The following KCNG4 variants were observed in gnomAD, a reference collection of about 807,000 sequenced individuals.
The protein encoded by KCNG4 is potassium voltage-gated channel modifier subfamily G member 4.
KCNG4 carries 30 observed loss-of-function variants against 28.2 expected under a neutral mutation model. The observed-to-expected ratio is 1.06, with a 90% CI of 0.80 to 1.44. The LOEUF is 1.44. Among genes scored for constraint, KCNG4 ranks in the 40% most tolerant of loss-of-function variants. The probability of loss-of-function intolerance (pLI) is 0.00; values close to 1 mark genes in which losing one functional copy is unlikely to be tolerated. For missense variants in KCNG4, 879 were observed against 712.3 expected, an observed-to-expected ratio of 1.23 and a Z score of -2.66; for synonymous variants, 375 against 315.5, an observed-to-expected ratio of 1.19 and a Z score of -2.00.
At position 84,226,547 on chromosome 16, in the gene KCNG4, C is replaced by G. The variant is rs517731; in HGVS notation, c.757-3527G>C. Among the ~76,000 whole-genome samples the G allele has an allele frequency of 1.3e-5, 2 of 151,672 alleles. No homozygotes were observed. The highest frequency in any genetic ancestry group is 2.9e-5 in the Non-Finnish European group (2 of 67,908). ...ATAGTAACAAATGATTATAAGTGAT[C>G]TGAGGTGGAGAGGGGATGGAAAGAG... On this transcript the variant is annotated intron_variant, in intron 2 of 2. Coordinates refer to ENST00000308251, the MANE Select transcript of KCNG4 (RefSeq NM_172347.3). This position sits in a 1 kb window ranked among gnomAD's most constrained non-coding sequence, Gnocchi z 4.1.
chr16:84,219,049 C>G lies in KCNG4; in HGVS notation c.*3168G>C, dbSNP rs921426592. Reference sequence around the variant, plus strand: ...TCCAGTGGCTGTTTAGGCTTTGTCTCTGGTTCCAGAATGAGCTTACCACTC... The same window carrying G: ...TCCAGTGGCTGTTTAGGCTTTGTCTGTGGTTCCAGAATGAGCTTACCACTC... On this transcript the variant is annotated 3_prime_UTR_variant, in exon 3 of 3. Transcript: ENST00000308251. 2 of 152,278 alleles carry G rather than the reference C, an allele frequency of 1.3e-5. No individual in the cohort carries two copies. Among genetic ancestry groups the G allele is most frequent in the African/African-American group, 4.8e-5 (2 of 41,464 alleles). The allele number at this position is 152,278 out of a possible 1,614,324, so 9.4% of individuals were successfully genotyped here.
In KCNG4 at chr16:84,222,372, C is replaced by T. The variant is rs748862640; in HGVS notation, c.1405G>A (p.Glu469Lys). 55 of 1,613,996 alleles carry T rather than the reference C, an allele frequency of 3.4e-5. No homozygotes were observed. The highest frequency in any genetic ancestry group is 1.0e-4 in the Admixed American group (6 of 60,000). ...HSYLELKKEQ[E>K]QLQARLRHLQ... ...TGGCGGAGGCGGGCCTGAAGCTGCTCCTGCTCCTTCTTGAGCTCCAGGTAG... is the reference window on the plus strand; with the variant it reads ...TGGCGGAGGCGGGCCTGAAGCTGCTTCTGCTCCTTCTTGAGCTCCAGGTAG... Residue 469 changes from glutamate to lysine, a missense_variant, in exon 3 of 3, where the codon GAG becomes AAG. By Grantham distance (56) the Glu-to-Lys change is moderately conservative. Transcript: ENST00000308251.
Position 84,237,285 on chromosome 16 carries a change from G to A in KCNG4, c.201C>T (p.Gly67=). 2 of 1,606,884 alleles carry A rather than the reference G, an allele frequency of 1.2e-6. No individual in the cohort carries two copies. Among genetic ancestry groups the A allele is most frequent in the Middle Eastern group, 1.7e-4 (1 of 6,016 alleles). ...LKKEILINVG[G]RRYLLPWSTL... The stretch of plus-strand genomic sequence containing the variant: ...TGCTCCAGGGGAGGAGATACCTCCT[G>A]CCCCCCACGTTGATCAGGATCTCCT... The change falls in exon 2 of 3, where the codon GGC becomes GGT. Residue 67 remains glycine (G), a synonymous_variant. Coordinates refer to ENST00000308251, the MANE Select transcript of KCNG4 (RefSeq NM_172347.3).
chr16:84,235,408 C>G (rs1467522847), intron 2 of KCNG4: 1 of 152,160 alleles, frequency 6.6e-6, no homozygotes, highest in Non-Finnish European at 1.5e-5. Flanking sequence ...TGTGAACAAG[C>G]AGGCTCTTAA....
In KCNG4 at chr16:84,222,228, T is replaced by C; in HGVS notation, c.1549A>G (p.Met517Val). The C allele has an allele frequency of 4.3e-6, 7 of 1,614,068 alleles. No homozygotes were observed. Among genetic ancestry groups the C allele is most frequent in the Non-Finnish European group, 5.9e-6 (7 of 1,180,006 alleles). ...TGGGGGGTGCTGAGTTACATGTGCATGATAGGCAAGGCTGGGCCCTCCAGG... is the reference window on the plus strand; with the variant it reads ...TGGGGGGTGCTGAGTTACATGTGCACGATAGGCAAGGCTGGGCCCTCCAGG... ...LILEGPALPI[M>V]HM is the part of the protein sequence containing the mutation. The change falls in exon 3 of 3, where the codon ATG becomes GTG. Residue 517 changes from methionine (M) to valine (V), a missense_variant. By Grantham distance (21) the Met-to-Val change is conservative. Transcript: ENST00000308251.
In KCNG4 at chr16:84,220,268, CTA is replaced by C. The variant is rs1315702472; in HGVS notation, c.*1947_*1948del. On this transcript the variant is annotated 3_prime_UTR_variant, in exon 3 of 3. Coordinates refer to ENST00000308251, the MANE Select transcript of KCNG4 (RefSeq NM_172347.3). ...TCCTTGTGTCATGGCCACTGAACCA[CTA>C]TGTCACCTGGTGACATGTCAGCTTG... 6.6e-6 allele frequency: 1 copy of C among 152,162 alleles called. No homozygotes were observed. Among genetic ancestry groups the C allele is most frequent in the Non-Finnish European group, 1.5e-5 (1 of 68,058 alleles). The allele number at this position is 152,162 out of a possible 1,614,324, so 9.4% of individuals were successfully genotyped here.
At chr16:84,228,615 C>G (rs906429650) in intron 2 of KCNG4, among the ~76,000 whole-genome samples, 6 of 152,194 alleles carry the variant, frequency 3.9e-5, no homozygotes, top group African/African-American at 1.2e-4. Context: ...GCCACCCCCC[C>G]GCCCACTCCT....
chr16:84,223,031 A>G lies in KCNG4; in HGVS notation c.757-11T>C, dbSNP rs1904617321. ...CCGAGAGCATTCGCCCTGCGGGGAG[A>G]AGAGGCAACAACGCGGGGTAGAGAG... On this transcript the variant is annotated splice_polypyrimidine_tract_variant and intron_variant, in intron 2 of 2. Transcript: ENST00000308251. The G allele has an allele frequency of 6.6e-7, 1 of 1,515,830 alleles. No homozygotes were observed. The highest frequency in any genetic ancestry group is 8.8e-7 in the Non-Finnish European group (1 of 1,131,628). The allele number at this position is 1,515,830 out of a possible 1,614,324, so 93.9% of individuals were successfully genotyped here.
rs113062863 is a variant in KCNG4, at chr16:84,222,398, G to C, written c.1379C>G (p.Ser460Cys). The change falls in exon 3 of 3, where the codon TCC becomes TGC. Residue 460 changes from serine (S) to cysteine (C), a missense_variant. Physicochemically the swap from Ser to Cys is moderately radical, Grantham distance 112 (BLOSUM62 -1). Coordinates refer to ENST00000308251, the MANE Select transcript of KCNG4 (RefSeq NM_172347.3). The stretch of plus-strand genomic sequence containing the variant: ...CTGCTCCTTCTTGAGCTCCAGGTAG[G>C]AGTGGGAGAAGGTGTGGAAGATAGA... Reference protein sequence around the residue: ...ATSIFHTFSHSYLELKKEQEQ... With the variant: ...ATSIFHTFSHCYLELKKEQEQ... The C allele has an allele frequency of 2.1e-4, 343 of 1,614,204 alleles. 6 individuals carry two copies. In the Middle Eastern group the frequency reaches 2.3e-3, roughly 11 times the overall value.
intron 2 of KCNG4, among the ~76,000 whole-genome samples, chr16:84,227,303 G>A (rs995169326): frequency 1.3e-5 from 2 of 152,206 alleles, no homozygotes; most frequent in Non-Finnish European, 2.9e-5. Flanking sequence ...CAGGCCGGGT[G>A]TGGTGGCTCA....
intron 1 of KCNG4, among the ~76,000 whole-genome samples, chr16:84,238,582 T>G (rs1448743399): frequency 6.6e-6 from 1 of 152,178 alleles, no homozygotes; most frequent in East Asian, 1.9e-4. Context: ...ATGTGCAGAA[T>G]GAAGGGGCCT....
At position 84,222,747 on chromosome 16, in the gene KCNG4, T is replaced by TGCGCAGCGC; in HGVS notation, c.1021_1029dup (p.Ala341_Arg343dup). On this transcript the variant is annotated inframe_insertion, in exon 3 of 3. Coordinates refer to ENST00000308251, the MANE Select transcript of KCNG4 (RefSeq NM_172347.3). ...CGAGCCAGGCGCATCACGTAGAGGATGCGCAGCGCTCGCAGCACACGCAGG... is the reference window on the plus strand; with the variant it reads ...CGAGCCAGGCGCATCACGTAGAGGATGCGCAGCGCGCGCAGCGCTCGCAGCACACGCAGG... 1 of 1,612,544 alleles carries TGCGCAGCGC rather than the reference T, an allele frequency of 6.2e-7. No individual in the cohort carries two copies. Among genetic ancestry groups the TGCGCAGCGC allele is most frequent in the South Asian group, 1.1e-5 (1 of 90,914 alleles).
intron 2 of KCNG4, among the ~76,000 whole-genome samples, chr16:84,229,772 A>G (rs1904782989): frequency 6.6e-6 from 1 of 152,174 alleles, no homozygotes; most frequent in South Asian, 2.1e-4. Context: ...AGCATCAAGG[A>G]GGCCCCAGGC....
At chr16:84,225,739 G>C (rs912068939) in intron 2 of KCNG4, among the ~76,000 whole-genome samples, 2 of 152,202 alleles carry the variant, frequency 1.3e-5, no homozygotes, top group African/African-American at 2.4e-5. Flanking sequence ...CTGGCATTTG[G>C]ACACTCAAGC....
At chr16:84,236,671 A>T in intron 2 of KCNG4, 59 bp downstream of exon 2, 1 of 1,514,032 alleles carries the variant, frequency 6.6e-7, no homozygotes, top group Non-Finnish European at 8.8e-7. Flanking sequence ...CCCCTAAAAG[A>T]CATCTCCGCC....
chr16:84,222,294 C>G lies in KCNG4; in HGVS notation c.1483G>C (p.Ala495Pro). ...SECELLDPHV[A>P]SEHELMNDVN... ...TCGTTCATGAGCTCATGTTCACTGG[C>G]CACATGGGGGTCCAGGAGTTCACAT... is the stretch of plus-strand genomic sequence containing the variant. The change falls in exon 3 of 3, where the codon GCC becomes CCC. Residue 495 changes from alanine (A) to proline (P), a missense_variant. Transcript: ENST00000308251. 1.2e-6 allele frequency: 2 copies of G among 1,614,168 alleles called. No homozygotes were observed. The highest frequency in any genetic ancestry group is 1.7e-6 in the Non-Finnish European group (2 of 1,180,036).
In KCNG4 at chr16:84,222,087, G is replaced by A; in HGVS notation, c.*130C>T. On this transcript the variant is annotated 3_prime_UTR_variant, in exon 3 of 3. Coordinates refer to ENST00000308251, the MANE Select transcript of KCNG4 (RefSeq NM_172347.3). ...AGACACACAGCCTCTGTGGCCTTAT[G>A]CCCCTCCAGCTTTGAAAGTCTTCCC... 1.0e-6 allele frequency: 1 copy of A among 1,002,638 alleles called. No individual in the cohort carries two copies. The highest frequency in any genetic ancestry group is 2.4e-5 in the East Asian group (1 of 41,700). 62.1% of individuals were successfully genotyped at this position (1,002,638 alleles called of 1,614,324 possible). A position where few individuals can be genotyped will look rare whatever the true frequency, so the allele number is the denominator to read the frequency against.
chr16:84,231,799 T>G (rs1222683099), intron 2 of KCNG4, among the ~76,000 whole-genome samples: 1 of 151,340 alleles, frequency 6.6e-6, no homozygotes, highest in Non-Finnish European at 1.5e-5. Context: ...AGGTCAGGAG[T>G]TCGAGACCAG....
At chr16:84,234,881 G>A (rs1904910222) in intron 2 of KCNG4, among the ~76,000 whole-genome samples, 1 of 152,130 alleles carries the variant, frequency 6.6e-6, no homozygotes, top group Non-Finnish European at 1.5e-5. Context: ...AGACTGCCCC[G>A]TCCTCAGCCT....
Sources: gnomAD v4.1 joint callset for allele counts (sites outside exome capture counted in the v4.1 genomes callset) on GRCh38, gnomAD v4.1.1 for gene constraint, Gnocchi (gnomAD v3.1) non-coding constraint, MANE v1.5 for transcripts, NCBI Gene and HGNC (gene_info 2026-07-23, HGNC 2026-07-21) for gene names.